ISL2: variants seen among roughly 807,000 people sequenced by gnomAD.
The protein encoded by ISL2 is insulin gene enhancer protein ISL-2.
In ISL2, 17 loss-of-function variants were observed where a neutral mutation model predicts 34.6. That is an observed-to-expected ratio of 0.49 (90% confidence interval 0.34 to 0.74). The LOEUF is 0.74. Among genes scored for constraint, ISL2 ranks in the 30% least tolerant of loss-of-function variants. ISL2 has a pLI of 0.01. For synonymous variants in ISL2, 232 were observed against 225.5 expected (o/e 1.03, Z -0.26); for missense variants, 469 against 515.2 (o/e 0.91, Z 0.87).
Position 76,336,826 on chromosome 15 carries a change from G to A in ISL2, c.-58G>A. 1 of 1,492,572 alleles carries A rather than the reference G, an allele frequency of 6.7e-7. No individual in the cohort carries two copies. The highest frequency in any genetic ancestry group is 9.3e-7 in the Non-Finnish European group (1 of 1,069,960). 92.5% of individuals were successfully genotyped at this position (1,492,572 alleles called of 1,614,324 possible). On this transcript the variant is annotated 5_prime_UTR_variant, in exon 1 of 6. Coordinates refer to ENST00000290759, the MANE Select transcript of ISL2 (RefSeq NM_145805.3). The stretch of plus-strand genomic sequence containing the variant: ...AGTTAGCAAAGAGCCGAGGCCGGGC[G>A]CGCGACCCTCGTCCTTCTGCCCCTG...
At chr15:76,339,014 C>T (rs2040173177) in intron 3 of ISL2, 2 of 985,264 alleles carry the variant, frequency 2.0e-6, no homozygotes, top group Non-Finnish European at 2.4e-6. Context: ...TTTTGAGGCC[C>T]AGTTTGATGA....
At position 76,336,796 on chromosome 15, in the gene ISL2, G is replaced by C. The variant is rs1209512694; in HGVS notation, c.-88G>C. On this transcript the variant is annotated 5_prime_UTR_variant, in exon 1 of 6. Transcript: ENST00000290759. Reference sequence around the variant, plus strand: ...CTCCTTCAACTCCGCGGGGCAGTAGGAGTTAGTTAGCAAAGAGCCGAGGCC... The same window carrying C: ...CTCCTTCAACTCCGCGGGGCAGTAGCAGTTAGTTAGCAAAGAGCCGAGGCC... 3 of 1,136,896 alleles carry C rather than the reference G, an allele frequency of 2.6e-6. No homozygotes were observed. The highest frequency in any genetic ancestry group is 4.7e-5 in the East Asian group (2 of 42,716). The allele number at this position is 1,136,896 out of a possible 1,614,324, so 70.4% of individuals were successfully genotyped here.
Position 76,341,143 on chromosome 15 carries a change from G to A in ISL2, c.805G>A (p.Gly269Arg), listed in dbSNP as rs1359244646. The change falls in exon 5 of 6, where the codon GGA becomes AGA. Residue 269 changes from glycine (G) to arginine (R), a missense_variant. Gly to Arg is a moderately radical substitution (Grantham distance 125). This residue lies in a region of ISL2 where 169 missense variants were observed against 154.2 expected (regional missense o/e 1.10). Coordinates refer to ENST00000290759, the MANE Select transcript of ISL2 (RefSeq NM_145805.3). ...QQHSDKTSLQ[G>R]LTGTPLVAGS... ...TCTGCTTGCCCCGCAGAGCCTTCAG[G>A]GACTGACTGGGACGCCCCTGGTGGC... 1.2e-6 allele frequency: 2 copies of A among 1,605,556 alleles called. No individual in the cohort carries two copies. The highest frequency in any genetic ancestry group is 2.2e-5 in the South Asian group (2 of 90,346).
chr15:76,340,678 T>A lies in ISL2; in HGVS notation c.795+119T>A, dbSNP rs1457545169. 28 of 886,958 alleles carry A rather than the reference T, an allele frequency of 3.2e-5. 1 individual carries two copies. Among genetic ancestry groups the A allele is most frequent in the Non-Finnish European group, 5.2e-6 (3 of 579,398 alleles). The allele number at this position is 886,958 out of a possible 1,614,324, so 54.9% of individuals were successfully genotyped here. A position where few individuals can be genotyped will look rare whatever the true frequency, so the allele number is the denominator to read the frequency against. On this transcript the variant is annotated intron_variant, in intron 4 of 5. Transcript: ENST00000290759. The stretch of plus-strand genomic sequence containing the variant: ...TCCAGGGAGAACTGGGCGCTCCAGA[T>A]GGTGTATGTCTGTACCTTCACAGCA...
chr15:76,341,517 G>A (rs2040194081), intron 5 of ISL2, among the ~76,000 whole-genome samples: 1 of 152,216 alleles, frequency 6.6e-6, no homozygotes, highest in African/African-American at 2.4e-5. Context: ...GCTCACAAGA[G>A]AGGTCGCAGG....
At position 76,338,526 on chromosome 15, in the gene ISL2, G is replaced by A. The variant is rs918768961; in HGVS notation, c.511+12G>A. ...CCTGCATCTGCCCGGTAAGCGCGCC[G>A]GGGCCTGTGCCGGGGTGAGCGGGGT... On this transcript the variant is annotated intron_variant, in intron 3 of 5. Transcript: ENST00000290759. 3.8e-6 allele frequency: 5 copies of A among 1,300,500 alleles called. No homozygotes were observed. Among genetic ancestry groups the A allele is most frequent in the African/African-American group, 1.5e-5 (1 of 65,248 alleles). 80.6% of individuals were successfully genotyped at this position (1,300,500 alleles called of 1,614,324 possible).
At chr15:76,339,551 C>T in intron 3 of ISL2, 1 of 985,564 alleles carries the variant, frequency 1.0e-6, no homozygotes, top group Non-Finnish European at 1.2e-6. Flanking sequence ...TCACTGTTTC[C>T]CCGGGATGGA....
At position 76,337,971 on chromosome 15, in the gene ISL2, AGGCC is replaced by A; in HGVS notation, c.248+8_248+11del. ...ACTGCAAGCGGGACTATGTCAGGTG[AGGCC>A]GGCGGGAACGCGGGCTGGGCCACCG... On this transcript the variant is annotated splice_donor_5th_base_variant and intron_variant, in intron 2 of 5. Coordinates refer to ENST00000290759, the MANE Select transcript of ISL2 (RefSeq NM_145805.3). The A allele has an allele frequency of 1.9e-6, 3 of 1,556,048 alleles. No individual in the cohort carries two copies. Among genetic ancestry groups the A allele is most frequent in the Non-Finnish European group, 2.6e-6 (3 of 1,149,110 alleles).
chr15:76,340,016 G>T, intron 3 of ISL2: 1 of 1,296,416 alleles, frequency 7.7e-7, no homozygotes, highest in Non-Finnish European at 9.8e-7. Context: ...GCGGCCTGTC[G>T]CCGAGCTCCC....
intron 3 of ISL2, 170 bp from the exon 4 acceptor site, chr15:76,340,106 C>T (rs1596240483): frequency 4.2e-6 from 6 of 1,420,636 alleles, no homozygotes; most frequent in East Asian, 5.2e-5. Context: ...ATGCACAGCT[C>T]TCTCCGAGTA....
rs564562688 is a variant in ISL2 at position 76,341,638 on chromosome 15, T to C, written c.964-81T>C. 19 of 1,108,674 alleles carry C rather than the reference T, an allele frequency of 1.7e-5. No homozygotes were observed. In the African/African-American group the frequency reaches 2.3e-4, roughly 13 times the overall value. The allele number at this position is 1,108,674 out of a possible 1,614,324, so 68.7% of individuals were successfully genotyped here. A position where few individuals can be genotyped will look rare whatever the true frequency, so the allele number is the denominator to read the frequency against. On this transcript the variant is annotated intron_variant, in intron 5 of 5. Transcript: ENST00000290759. Reference sequence around the variant, plus strand: ...GGCGGCCGGTCCCCAAGGGACACTTTCCGACTCGGAGCACGCGGCCCTGGA... The same window carrying C: ...GGCGGCCGGTCCCCAAGGGACACTTCCCGACTCGGAGCACGCGGCCCTGGA...
In ISL2 at chr15:76,340,265, T is replaced by C. The variant is rs768928561; in HGVS notation, c.512-11T>C. 6.3e-7 allele frequency: 1 copy of C among 1,588,212 alleles called. No homozygotes were observed. Among genetic ancestry groups the C allele is most frequent in the Non-Finnish European group, 8.5e-7 (1 of 1,169,930 alleles). On this transcript the variant is annotated splice_polypyrimidine_tract_variant and intron_variant, in intron 3 of 5. Coordinates refer to ENST00000290759, the MANE Select transcript of ISL2 (RefSeq NM_145805.3). ...CCCTCGCTAACCTCTGGCCTCACCC[T>C]GTCCTGGCAGACGCTGGGTCGGGCC...
In ISL2 at chr15:76,340,411, C is replaced by A; in HGVS notation, c.647C>A (p.Pro216His). 6.2e-7 allele frequency: 1 copy of A among 1,613,694 alleles called. No homozygotes were observed. The highest frequency in any genetic ancestry group is 8.5e-7 in the Non-Finnish European group (1 of 1,179,984). ...ACCTGCTACGCCGCCAACCCGCGGC[C>A]CGACGCTCTCATGAAGGAGCAGCTG... ...LRTCYAANPRPDALMKEQLVE... is the reference protein window; with the variant it reads ...LRTCYAANPRHDALMKEQLVE... The change falls in exon 4 of 6, where the codon CCC becomes CAC. Residue 216 changes from proline (P) to histidine (H), a missense_variant. Physicochemically the swap from Pro to His is moderately conservative, Grantham distance 77 (BLOSUM62 -2). Coordinates refer to ENST00000290759, the MANE Select transcript of ISL2 (RefSeq NM_145805.3).
rs778477156 is a variant in ISL2 at position 76,338,438 on chromosome 15, C to A, written c.435C>A (p.Leu145=). ...TGCTCTGCCGCGCCGACCACGGCCT[C>A]CTGCTCGAGCGCGCCGCGGCCGGCA... ...HELLCRADHG[L]LLERAAAGSP... Residue 145 remains leucine, a synonymous_variant, in exon 3 of 6, where the codon CTC becomes CTA. Coordinates refer to ENST00000290759, the MANE Select transcript of ISL2 (RefSeq NM_145805.3). The A allele has an allele frequency of 2.7e-6, 4 of 1,458,552 alleles. No individual in the cohort carries two copies. The highest frequency in any genetic ancestry group is 3.6e-6 in the Non-Finnish European group (4 of 1,109,442). 90.4% of individuals were successfully genotyped at this position (1,458,552 alleles called of 1,614,324 possible).
intron 2 of ISL2, 108 bp from the exon 3 acceptor site, chr15:76,338,144 C>T: frequency 1.4e-6 from 2 of 1,429,624 alleles, no homozygotes; most frequent in South Asian, 1.4e-5. Context: ...TCACCGCAGT[C>T]TCCTGGTGGC....
Position 76,342,092 on chromosome 15 carries a change from T to C in ISL2, c.*257T>C, listed in dbSNP as rs2040198932. The C allele has an allele frequency of 7.7e-6, 3 of 388,388 alleles. No homozygotes were observed. The highest frequency in any genetic ancestry group is 3.9e-5 in the South Asian group (1 of 25,550). 24.1% of individuals were successfully genotyped at this position (388,388 alleles called of 1,614,324 possible). A position where few individuals can be genotyped will look rare whatever the true frequency, so the allele number is the denominator to read the frequency against. On this transcript the variant is annotated 3_prime_UTR_variant, in exon 6 of 6. Transcript: ENST00000290759. Reference sequence around the variant, plus strand: ...ATCTGGGACTTACCAGGGTTAGCTCTGCCCTCTCCTCTCCTCTCTACGTGG... The same window carrying C: ...ATCTGGGACTTACCAGGGTTAGCTCCGCCCTCTCCTCTCCTCTCTACGTGG...
chr15:76,341,416 C>T, intron 5 of ISL2, 115 bp downstream of exon 5: 1 of 842,314 alleles, frequency 1.2e-6, no homozygotes, highest in African/African-American at 1.7e-5. Flanking sequence ...GGGTACAGCC[C>T]TAGGCGGTGG....
intron 3 of ISL2, 36 bp from the exon 4 acceptor site, chr15:76,340,240 C>T (rs2040183086): frequency 1.3e-6 from 2 of 1,508,560 alleles, no homozygotes; most frequent in South Asian, 2.6e-5. Flanking sequence ...GGGTGGCGGC[C>T]CCTCGCTAAC....
intron 2 of ISL2, 46 bp downstream of exon 2, chr15:76,338,013 G>C: frequency 6.7e-7 from 1 of 1,490,796 alleles, no homozygotes; most frequent in Admixed American, 2.1e-5. Context: ...CGCAGGGGCC[G>C]GGGCCGGGAC....
Sources: allele counts gnomAD v4.1 joint callset (sites outside exome capture counted in the v4.1 genomes callset), GRCh38; gene constraint gnomAD v4.1.1; regional missense constraint gnomAD v4.1.1; transcripts MANE v1.5; gene names NCBI Gene and HGNC (gene_info 2026-07-23, HGNC 2026-07-21).